JADE3: variants seen among roughly 807,000 people sequenced by gnomAD.
The protein encoded by JADE3 is protein Jade-3.
In JADE3, 2 loss-of-function variants were observed where a neutral mutation model predicts 50.1. The ratio of observed to expected loss-of-function variants is 0.04; its 90% CI spans 0.02 to 0.13. JADE3 has a LOEUF of 0.13. Ranked by LOEUF, JADE3 falls within the 10% of genes least tolerant of loss-of-function variation. The pLI, the probability that JADE3 is intolerant of heterozygous loss-of-function variation, is 1.00. For synonymous variants in JADE3, 218 were observed against 232.9 expected, an observed-to-expected ratio of 0.94 and a Z score of 0.58; for missense variants, 475 against 634.4, an observed-to-expected ratio of 0.75 and a Z score of 2.70.
At chrX:46,915,911 TTCA>T (rs1305265184) in intron 1 of JADE3, among the ~76,000 whole-genome samples, 1 of 111,349 alleles carries the variant, frequency 9.0e-6, no homozygotes, top group Non-Finnish European at 1.9e-5. Context: ...CACCTATGAG[TTCA>T]TCAATGCTTT....
chrX:47,021,056 G>A (rs1218071320), intron 4 of JADE3, among the ~76,000 whole-genome samples: 2 of 109,783 alleles, frequency 1.8e-5, no homozygotes, highest in Non-Finnish European at 3.8e-5. Context: ...TGAGGCTGCA[G>A]GAGCTTTGGT....
chrX:46,921,523 T>C lies in JADE3; in HGVS notation c.-12+8804T>C, dbSNP rs187703514. ...ATATACTGTGTTGTGCAGAAAAGAG[T>C]TAACATAGCAGACCTGAGGCTGCTG... is the stretch of plus-strand genomic sequence containing the variant. On this transcript the variant is annotated intron_variant, in intron 1 of 10. Transcript: ENST00000614628. Among the ~76,000 whole-genome samples, 298 of 111,942 alleles carry C rather than the reference T, an allele frequency of 2.7e-3. 2 individuals carry two copies. Among genetic ancestry groups the C allele is most frequent in the African/African-American group, 9.3e-3 (286 of 30,815 alleles).
chrX:46,991,058 CTCACTCCCT>C (rs1927986746), intron 3 of JADE3, among the ~76,000 whole-genome samples: 1 of 8,737 alleles, frequency 1.1e-4, no homozygotes, highest in African/African-American at 3.1e-4. Flanking sequence ...CCCTCCCTCC[CTCACTCCCT>C]CCCTCCCCCC....
intron 1 of JADE3, among the ~76,000 whole-genome samples, chrX:46,930,761 C>A (rs1316604557): frequency 9.0e-6 from 1 of 111,501 alleles, no homozygotes; most frequent in Non-Finnish European, 1.9e-5. Context: ...CCCATCACAG[C>A]CCTATGACAG....
chrX:46,948,111 G>A (rs1411571678), intron 1 of JADE3, among the ~76,000 whole-genome samples: 3 of 112,014 alleles, frequency 2.7e-5, no homozygotes, highest in Non-Finnish European at 3.8e-5. Flanking sequence ...TTGTTAGCCT[G>A]TGGGAGTTTT....
chrX:47,043,147 C>T (rs782039592), intron 8 of JADE3, among the ~76,000 whole-genome samples: 18 of 112,266 alleles, frequency 1.6e-4, no homozygotes, highest in Admixed American at 2.8e-4. Context: ...CATTACTAGG[C>T]TTGCAGTGCC....
At position 47,059,038 on chromosome X, in the gene JADE3, C is replaced by T. The variant is rs1237176486; in HGVS notation, c.2433C>T (p.Ser811=). 1.7e-6 allele frequency: 2 copies of T among 1,202,065 alleles called. No homozygotes were observed. The highest frequency in any genetic ancestry group is 2.2e-6 in the Non-Finnish European group (2 of 893,065). ...HDSRRDCHGK[S]KTHPLSHSSM... is the part of the protein sequence containing the mutation. ...CTAGACGGGATTGCCATGGTAAAAG[C>T]AAGACACATCCCCTTTCCCACAGTT... is the stretch of plus-strand genomic sequence containing the variant. Residue 811 remains serine, a synonymous_variant, in exon 11 of 11, where the codon AGC becomes AGT. Coordinates refer to ENST00000614628, the MANE Select transcript of JADE3 (RefSeq NM_014735.5).
chrX:47,030,828 G>C (rs1929002994), intron 6 of JADE3, among the ~76,000 whole-genome samples: 1 of 111,299 alleles, frequency 9.0e-6, no homozygotes, highest in African/African-American at 3.3e-5. Flanking sequence ...GAGGCGGGTG[G>C]ATCACGAGGT....
chrX:46,980,725 A>G (rs1254606597), intron 1 of JADE3, among the ~76,000 whole-genome samples: 3 of 111,579 alleles, frequency 2.7e-5, no homozygotes, highest in African/African-American at 9.8e-5. Context: ...AATATTTTAT[A>G]ATTTTACATT....
At chrX:47,045,868 A>G (rs1556370570) in intron 8 of JADE3, among the ~76,000 whole-genome samples, 1 of 111,024 alleles carries the variant, frequency 9.0e-6, no homozygotes, top group Non-Finnish European at 1.9e-5. Flanking sequence ...GGAACACAAC[A>G]TACCAAAACC....
At chrX:46,924,775 A>G (rs1178672029) in intron 1 of JADE3, among the ~76,000 whole-genome samples, 1 of 112,491 alleles carries the variant, frequency 8.9e-6, no homozygotes, top group Non-Finnish European at 1.9e-5. Context: ...CCAAAATTCA[A>G]TGTATGCCTT....
chrX:46,974,932 C>G (rs1204134912), intron 1 of JADE3, among the ~76,000 whole-genome samples: 1 of 112,365 alleles, frequency 8.9e-6, no homozygotes, highest in African/African-American at 3.2e-5. Flanking sequence ...TTGTAGGGGA[C>G]TATTTCTGTG....
At chrX:47,022,969 C>T (rs1928827302) in intron 4 of JADE3, among the ~76,000 whole-genome samples, 1 of 110,879 alleles carries the variant, frequency 9.0e-6, no homozygotes, top group Non-Finnish European at 1.9e-5. Context: ...GGCTTTAACT[C>T]ATTTGCATAA....
intron 1 of JADE3, among the ~76,000 whole-genome samples, chrX:46,978,777 C>T (rs1927679243): frequency 9.0e-6 from 1 of 111,492 alleles, no homozygotes; most frequent in Non-Finnish European, 1.9e-5. Flanking sequence ...GTCAATGTAC[C>T]TGACTGCCCC....
chrX:46,972,618 T>C (rs1452274046), intron 1 of JADE3, among the ~76,000 whole-genome samples: 2 of 111,336 alleles, frequency 1.8e-5, no homozygotes, highest in African/African-American at 3.3e-5. Context: ...TTTTTCTTTT[T>C]TGAGACAGTC....
rs149707999 is a variant in JADE3 at position 47,055,724 on chromosome X, A to G, written c.1444-358A>G. ...CACTGATTAGAAAATTGTACTGGATACAGCCAGCATTGCCATCATTCGTAC... is the reference window on the plus strand; with the variant it reads ...CACTGATTAGAAAATTGTACTGGATGCAGCCAGCATTGCCATCATTCGTAC... On this transcript the variant is annotated intron_variant, in intron 9 of 10. Coordinates refer to ENST00000614628, the MANE Select transcript of JADE3 (RefSeq NM_014735.5). 9.7e-3 allele frequency among the ~76,000 whole-genome samples: 1,084 copies of G among 112,140 alleles called. 8 individuals carry two copies. The highest frequency in any genetic ancestry group is 0.027 in the East Asian group (98 of 3,572).
chrX:46,999,783 T>G (rs1928238731), intron 4 of JADE3, among the ~76,000 whole-genome samples: 1 of 110,759 alleles, frequency 9.0e-6, no homozygotes, highest in African/African-American at 3.3e-5. Flanking sequence ...TTGGAAGCCA[T>G]TTTTTCTTTC....
chrX:46,969,850 C>T lies in JADE3; in HGVS notation c.-11-15034C>T, dbSNP rs3126138. ...ATCTCAAAAAGAAAAACTTGTGGGG[C>T]GTAACTTAAATGAGTGCTAAGAAGG... On this transcript the variant is annotated intron_variant, in intron 1 of 10. Coordinates refer to ENST00000614628, the MANE Select transcript of JADE3 (RefSeq NM_014735.5). 5.9e-3 allele frequency among the ~76,000 whole-genome samples: 662 copies of T among 111,316 alleles called. 2 individuals are homozygous for T. Among genetic ancestry groups the T allele is most frequent in the Non-Finnish European group, 0.01 (535 of 52,979 alleles).
At chrX:46,919,842 T>G (rs1602367897) in intron 1 of JADE3, among the ~76,000 whole-genome samples, 1 of 111,372 alleles carries the variant, frequency 9.0e-6, no homozygotes, top group East Asian at 2.8e-4. Flanking sequence ...ATTTTAAAAG[T>G]CAGTGACTTG....
Sources: gnomAD v4.1 joint callset for allele counts (sites outside exome capture counted in the v4.1 genomes callset) on GRCh38, gnomAD v4.1.1 for gene constraint, MANE v1.5 for transcripts, NCBI Gene and HGNC (gene_info 2026-07-23, HGNC 2026-07-21) for gene names.